HERC1: variants seen among roughly 807,000 people sequenced by gnomAD.
HERC1 encodes the protein HECT and RLD domain containing E3 ubiquitin protein ligase family member 1, also known as probable E3 ubiquitin-protein ligase HERC1.
HERC1 carries 160 observed loss-of-function variants against 554.3 expected under a neutral mutation model. The ratio of observed to expected loss-of-function variants is 0.29; its 90% CI spans 0.25 to 0.33. The LOEUF (loss-of-function observed/expected upper bound fraction) is 0.33. Ranked by LOEUF, HERC1 falls within the 10% of genes least tolerant of loss-of-function variation. HERC1 has a pLI of 1.00. For missense variants in HERC1, 4,919 were observed against 5,918.5 expected, an observed-to-expected ratio of 0.83 and a Z score of 5.54; for synonymous variants, 2,175 against 2,131.7, an observed-to-expected ratio of 1.02 and a Z score of -0.56.
At chr15:63,755,196 A>G (rs750037517) in intron 6 of HERC1, 33 bp downstream of exon 6, 26 of 1,421,128 alleles carry the variant, frequency 1.8e-5, no homozygotes, top group Non-Finnish European at 2.5e-5. Context: ...CTAATTTTCT[A>G]GAAGAATAAC....
intron 37 of HERC1, among the ~76,000 whole-genome samples, chr15:63,676,745 G>C (rs1049189413): frequency 6.6e-6 from 1 of 152,154 alleles, no homozygotes; most frequent in Admixed American, 6.5e-5. Context: ...GACAGAGCGA[G>C]ATTCCGTCTC....
At position 63,654,286 on chromosome 15, in the gene HERC1, G is replaced by A; in HGVS notation, c.10123C>T (p.Leu3375Phe). Reference protein sequence around the residue: ...ELANALAACCLSSRLSSQHRQ... With the variant: ...ELANALAACCFSSRLSSQHRQ... The stretch of plus-strand genomic sequence containing the variant: ...TGCTGTGAGGACAGCCTGGAGGAGA[G>A]GCAGCAGGCTGCCAGGGCATTAGCC... Residue 3375 changes from leucine to phenylalanine, a missense_variant, in exon 51 of 78, where the codon CTC becomes TTC. This residue lies in a region of HERC1 where 1,963 missense variants were observed against 2,228.6 expected (regional missense o/e 0.88). Coordinates refer to ENST00000443617, the MANE Select transcript of HERC1 (RefSeq NM_003922.4). The A allele has an allele frequency of 1.2e-6, 2 of 1,613,936 alleles. No homozygotes were observed. Among genetic ancestry groups the A allele is most frequent in the Non-Finnish European group, 1.7e-6 (2 of 1,179,856 alleles).
At chr15:63,687,175 T>C (rs1157176944) in intron 33 of HERC1, among the ~76,000 whole-genome samples, 1 of 152,196 alleles carries the variant, frequency 6.6e-6, no homozygotes, top group Non-Finnish European at 1.5e-5. Context: ...ATAAACATCA[T>C]TTTACCAAGG....
chr15:63,818,817 AAGAGT>A (rs1179058713), intron 1 of HERC1, among the ~76,000 whole-genome samples: 37 of 152,180 alleles, frequency 2.4e-4, no homozygotes, highest in Admixed American at 2.4e-3. Flanking sequence ...TCAACTTCTA[AAGAGT>A]AAAGTGCCCC....
At chr15:63,800,370 T>A (rs2076941527) in intron 1 of HERC1, among the ~76,000 whole-genome samples, 1 of 152,204 alleles carries the variant, frequency 6.6e-6, no homozygotes, top group South Asian at 2.1e-4. Context: ...GATCCTTAAC[T>A]CCTGGAAGGC....
chr15:63,609,049 G>T lies in HERC1; in HGVS notation c.*32C>A. 6.3e-7 allele frequency: 1 copy of T among 1,588,658 alleles called. No homozygotes were observed. The highest frequency in any genetic ancestry group is 8.6e-7 in the Non-Finnish European group (1 of 1,162,094). On this transcript the variant is annotated 3_prime_UTR_variant, in exon 78 of 78. Transcript: ENST00000443617. The stretch of plus-strand genomic sequence containing the variant: ...CAAATCAGAAGTGAGCATTATTGAG[G>T]GAGAGAAGGGAGGGTGAGAGCACCC...
chr15:63,632,853 A>C (rs1566956568), intron 67 of HERC1, 42 bp from the exon 68 acceptor site: 4 of 1,363,388 alleles, frequency 2.9e-6, no homozygotes, highest in Non-Finnish European at 4.1e-6. Context: ...TAAGAAGAAA[A>C]AAAATCACTC....
At chr15:63,685,583 T>C (rs893442175) in intron 34 of HERC1, among the ~76,000 whole-genome samples, 1 of 152,224 alleles carries the variant, frequency 6.6e-6, no homozygotes, top group African/African-American at 2.4e-5. Flanking sequence ...ATAGACCTGT[T>C]GGTTAATGAG....
At chr15:63,640,113 A>G in intron 61 of HERC1, 39 bp downstream of exon 61, 1 of 1,591,962 alleles carries the variant, frequency 6.3e-7, no homozygotes, top group Non-Finnish European at 8.6e-7. Flanking sequence ...CCATGATAAA[A>G]TCTCAGCTGC....
chr15:63,636,414 G>T (rs2068782098), intron 64 of HERC1, among the ~76,000 whole-genome samples: 2 of 151,814 alleles, frequency 1.3e-5, no homozygotes, highest in Admixed American at 1.3e-4. Context: ...GGGATTACAG[G>T]CATGTGCCAC....
intron 77 of HERC1, among the ~76,000 whole-genome samples, chr15:63,610,927 A>C (rs757032556): frequency 6.6e-6 from 1 of 152,170 alleles, no homozygotes; most frequent in Non-Finnish European, 1.5e-5. Flanking sequence ...TCTGGGTTTG[A>C]GGGCTGTACC....
At chr15:63,786,316 GA>G (rs2076443965) in intron 1 of HERC1, among the ~76,000 whole-genome samples, 1 of 145,770 alleles carries the variant, frequency 6.9e-6, no homozygotes, top group Non-Finnish European at 1.5e-5. Flanking sequence ...AGAATCGAAA[GA>G]CAGCTGTGAA....
At chr15:63,760,922 G>A (rs988096419) in intron 3 of HERC1, among the ~76,000 whole-genome samples, 2 of 151,926 alleles carry the variant, frequency 1.3e-5, no homozygotes, top group Non-Finnish European at 2.9e-5. Context: ...AAATCCTTTG[G>A]GCTTCTCAGC....
intron 1 of HERC1, among the ~76,000 whole-genome samples, chr15:63,826,031 G>A (rs1165769131): frequency 1.3e-5 from 2 of 152,028 alleles, no homozygotes; most frequent in Non-Finnish European, 2.9e-5. Context: ...CCAAAGTGCT[G>A]GAACTAACAG....
At chr15:63,736,464 G>A (rs1461493353) in intron 12 of HERC1, among the ~76,000 whole-genome samples, 4 of 152,174 alleles carry the variant, frequency 2.6e-5, no homozygotes, top group Non-Finnish European at 1.5e-5. Flanking sequence ...CACTAGCCCA[G>A]TAGAAAAGAC....
intron 69 of HERC1, among the ~76,000 whole-genome samples, chr15:63,629,987 G>C (rs765047959): frequency 3.3e-5 from 5 of 152,094 alleles, no homozygotes; most frequent in Non-Finnish European, 5.9e-5. Context: ...TAAATAATGG[G>C]AGTGACAAGA....
At chr15:63,722,810 C>T (rs1193185340) in intron 19 of HERC1, among the ~76,000 whole-genome samples, 1 of 152,122 alleles carries the variant, frequency 6.6e-6, no homozygotes, top group African/African-American at 2.4e-5. Flanking sequence ...CAAGTATGTA[C>T]ACACAGGAAA....
At chr15:63,681,946 G>A (rs934690624) in intron 34 of HERC1, among the ~76,000 whole-genome samples, 4 of 152,140 alleles carry the variant, frequency 2.6e-5, no homozygotes, top group African/African-American at 7.2e-5. Flanking sequence ...TATAATATAA[G>A]TCTCCGTCAT....
intron 55 of HERC1, among the ~76,000 whole-genome samples, chr15:63,646,583 T>C (rs1241535985): frequency 2.7e-5 from 4 of 149,246 alleles, no homozygotes; most frequent in Non-Finnish European, 5.9e-5. Context: ...GGGCGGATCA[T>C]GAAGTCAGGA....
Sources: allele counts gnomAD v4.1 joint callset (sites outside exome capture counted in the v4.1 genomes callset), GRCh38; gene constraint gnomAD v4.1.1; regional missense constraint gnomAD v4.1.1; transcripts MANE v1.5; gene names NCBI Gene and HGNC (gene_info 2026-07-23, HGNC 2026-07-21).